PDGFD: variants seen among roughly 807,000 people sequenced by gnomAD.
PDGFD encodes platelet derived growth factor D.
In PDGFD, 30 loss-of-function variants were observed where a neutral mutation model predicts 44.7. That is an observed-to-expected ratio of 0.67 (90% CI 0.50 to 0.91). PDGFD has a LOEUF of 0.91. Ranked by LOEUF, PDGFD falls within the 40% of genes least tolerant of loss-of-function variation. The pLI is 0.00. For missense variants in PDGFD, 445 were observed against 457.8 expected (o/e 0.97, Z 0.25); for synonymous variants, 173 against 168.4 (o/e 1.03, Z -0.21).
intron 1 of PDGFD, among the ~76,000 whole-genome samples, chr11:104,080,157 G>C (rs1163210427): frequency 1.3e-5 from 2 of 152,152 alleles, no homozygotes; most frequent in African/African-American, 2.4e-5. Flanking sequence ...TTATGTCTGA[G>C]TCATTAAAAT....
intron 1 of PDGFD, among the ~76,000 whole-genome samples, chr11:104,157,230 T>C (rs188092356): frequency 2.6e-5 from 4 of 152,244 alleles, no homozygotes; most frequent in South Asian, 4.2e-4. Flanking sequence ...TTTGGGGATT[T>C]GGGTTTAAGA....
At chr11:104,126,695 T>C (rs1040239253) in intron 1 of PDGFD, among the ~76,000 whole-genome samples, 2 of 152,124 alleles carry the variant, frequency 1.3e-5, no homozygotes, top group Admixed American at 1.3e-4. Flanking sequence ...CATGCTCACA[T>C]CAATCATTGT....
intron 1 of PDGFD, among the ~76,000 whole-genome samples, chr11:104,008,786 T>G (rs1273831344): frequency 6.6e-6 from 1 of 152,166 alleles, no homozygotes; most frequent in Non-Finnish European, 1.5e-5. Context: ...TTAATCAATG[T>G]AACCCCAGTA....
At chr11:104,008,057 T>G (rs926754414) in intron 1 of PDGFD, among the ~76,000 whole-genome samples, 2 of 152,096 alleles carry the variant, frequency 1.3e-5, no homozygotes, top group African/African-American at 4.8e-5. Flanking sequence ...AAGAGCTGAG[T>G]CTTAAAGTCA....
chr11:104,002,931 T>C (rs1451234988), intron 1 of PDGFD, among the ~76,000 whole-genome samples: 1 of 152,208 alleles, frequency 6.6e-6, no homozygotes, highest in Non-Finnish European at 1.5e-5. Context: ...TTTTAAAATA[T>C]CTATCTCAGG....
chr11:104,132,901 A>C (rs1187691839), intron 1 of PDGFD, among the ~76,000 whole-genome samples: 1 of 152,146 alleles, frequency 6.6e-6, no homozygotes, highest in Non-Finnish European at 1.5e-5. Context: ...ATTAGTTAGG[A>C]TAGGATAGGT....
intron 1 of PDGFD, among the ~76,000 whole-genome samples, chr11:104,052,586 A>G (rs981581791): frequency 3.3e-5 from 5 of 152,180 alleles, no homozygotes; most frequent in Non-Finnish European, 7.4e-5. Context: ...CGATAAGCAT[A>G]AAGAAGACTG....
chr11:103,975,255 T>C (rs1859166087), intron 3 of PDGFD, among the ~76,000 whole-genome samples: 1 of 152,260 alleles, frequency 6.6e-6, no homozygotes, highest in Admixed American at 6.5e-5. Context: ...TGATGAGCTT[T>C]TTTTCATATG....
At chr11:104,099,958 T>G (rs1027906393) in intron 1 of PDGFD, among the ~76,000 whole-genome samples, 2 of 152,062 alleles carry the variant, frequency 1.3e-5, no homozygotes, top group Non-Finnish European at 2.9e-5. Context: ...ACCACACTAG[T>G]TCATTAATAC....
At chr11:104,048,634 T>TA (rs1354515424) in intron 1 of PDGFD, among the ~76,000 whole-genome samples, 2 of 152,212 alleles carry the variant, frequency 1.3e-5, no homozygotes, top group Admixed American at 1.3e-4. Context: ...TTGCTACTGA[T>TA]ACAGGCCATT....
chr11:103,914,049 G>A, intron 6 of PDGFD, among the ~76,000 whole-genome samples: 1 of 152,160 alleles, frequency 6.6e-6, no homozygotes, highest in East Asian at 1.9e-4. Flanking sequence ...ATGGACAAGG[G>A]CCCTGAGCTT....
chr11:104,138,862 C>T (rs361269), intron 1 of PDGFD, among the ~76,000 whole-genome samples: 97,042 of 151,910 alleles, frequency 0.64, 31,382 homozygotes, highest in East Asian at 0.75. Context: ...CCCAGGTTCA[C>T]GCAACTCTCC....
At chr11:103,971,012 T>C (rs1365270810) in intron 3 of PDGFD, among the ~76,000 whole-genome samples, 1 of 152,164 alleles carries the variant, frequency 6.6e-6, no homozygotes, top group African/African-American at 2.4e-5. Context: ...GAGAGTATAA[T>C]GAATGATTCA....
At chr11:103,969,474 GTTTTTTT>G (rs66571550) in intron 3 of PDGFD, among the ~76,000 whole-genome samples, 3 of 89,808 alleles carry the variant, frequency 3.3e-5, no homozygotes, top group African/African-American at 4.4e-5. Context: ...ACCAAGCCTG[GTTTTTTT>G]TTTTTTTTTT....
At chr11:104,147,737 G>T (rs1289181593) in intron 1 of PDGFD, among the ~76,000 whole-genome samples, 2 of 152,082 alleles carry the variant, frequency 1.3e-5, no homozygotes, top group African/African-American at 4.8e-5. Flanking sequence ...ATCAAATACA[G>T]ATTATACAAA....
intron 1 of PDGFD, among the ~76,000 whole-genome samples, chr11:104,060,105 T>C (rs1860688478): frequency 1.3e-5 from 2 of 152,208 alleles, no homozygotes; most frequent in South Asian, 4.1e-4. Flanking sequence ...CATTGTGTCA[T>C]CTCAAAAGAC....
At chr11:104,157,428 C>T (rs1252788608) in intron 1 of PDGFD, among the ~76,000 whole-genome samples, 1 of 152,198 alleles carries the variant, frequency 6.6e-6, no homozygotes, top group Non-Finnish European at 1.5e-5. Flanking sequence ...TTACACCTTT[C>T]AATGGCTTAC....
intron 1 of PDGFD, among the ~76,000 whole-genome samples, chr11:104,104,062 G>A (rs1458015650): frequency 6.6e-6 from 1 of 151,728 alleles, no homozygotes; most frequent in Non-Finnish European, 1.5e-5. Flanking sequence ...CCCTGTGCAG[G>A]CCTAAGCTAA....
intron 1 of PDGFD, among the ~76,000 whole-genome samples, chr11:104,093,334 A>G (rs1222064642): frequency 6.6e-6 from 1 of 152,098 alleles, no homozygotes; most frequent in African/African-American, 2.4e-5. Flanking sequence ...ACACATACAC[A>G]CACACTATCA....
Sources: allele counts gnomAD v4.1 joint callset (sites outside exome capture counted in the v4.1 genomes callset), GRCh38; gene constraint gnomAD v4.1.1; transcripts MANE v1.5; gene names NCBI Gene and HGNC (gene_info 2026-07-23, HGNC 2026-07-21).